Variants in ADAMTS14 observed in about 807,000 individuals in gnomAD.
The protein encoded by ADAMTS14 is ADAM metallopeptidase with thrombospondin type 1 motif 14.
ADAMTS14 carries 100 observed loss-of-function variants against 128.6 expected under a neutral mutation model. The observed-to-expected ratio is 0.78, with a 90% CI of 0.66 to 0.92. The LOEUF is 0.92. ADAMTS14 is among the 40% of genes least tolerant of loss of function. The pLI is 0.00. For missense variants in ADAMTS14, 1,562 were observed against 1,658.6 expected, an observed-to-expected ratio of 0.94 and a Z score of 1.01; for synonymous variants, 665 against 653.8, an observed-to-expected ratio of 1.02 and a Z score of -0.26.
At chr10:70,708,563 C>G (rs752101201) in intron 3 of ADAMTS14, 25 bp from the exon 4 acceptor site, 26 of 1,581,824 alleles carry the variant, frequency 1.6e-5, no homozygotes, top group Non-Finnish European at 2.0e-5. Flanking sequence ...GGTTGGACCT[C>G]ACTCTCTTCC....
intron 4 of ADAMTS14, among the ~76,000 whole-genome samples, chr10:70,726,881 G>A (rs1841449552): frequency 6.6e-6 from 1 of 152,220 alleles, no homozygotes; most frequent in African/African-American, 2.4e-5. Context: ...CACTGGGGAG[G>A]GGAGGAGTTT....
At chr10:70,674,478 C>T in intron 1 of ADAMTS14, 78 bp from the exon 2 acceptor site, 1 of 1,458,304 alleles carries the variant, frequency 6.9e-7, no homozygotes, top group Non-Finnish European at 9.4e-7. Flanking sequence ...CTATCCCTCC[C>T]TGCCCGCGTG....
rs1333274128 is a variant in ADAMTS14 at position 70,761,139 on chromosome 10, A to G, written c.*286A>G. The G allele has an allele frequency of 2.8e-6, 1 of 359,318 alleles. No homozygotes were observed. The highest frequency in any genetic ancestry group is 5.0e-6 in the Non-Finnish European group (1 of 199,708). The allele number at this position is 359,318 out of a possible 1,614,324, so 22.3% of individuals were successfully genotyped here. A position where few individuals can be genotyped will look rare whatever the true frequency, so the allele number is the denominator to read the frequency against. On this transcript the variant is annotated 3_prime_UTR_variant, in exon 22 of 22. Transcript: ENST00000373207. ...TCCCCTGCCAAGACCAGGGTCAACT[A>G]TTGCTCCCTCCTCACAGACCCTGGG...
At chr10:70,734,964 C>T (rs956485230) in intron 8 of ADAMTS14, among the ~76,000 whole-genome samples, 5 of 152,238 alleles carry the variant, frequency 3.3e-5, no homozygotes, top group African/African-American at 1.2e-4. Context: ...TGGAGCCCTT[C>T]CAGATATAGT....
At chr10:70,740,855 G>A (rs965267243) in intron 11 of ADAMTS14, 132 bp from the exon 12 acceptor site, 4 of 928,238 alleles carry the variant, frequency 4.3e-6, no homozygotes, top group Admixed American at 2.4e-5. Flanking sequence ...GCCATTCTCT[G>A]GTTTATGTCA....
rs774736680 is a variant in ADAMTS14 at position 70,751,473 on chromosome 10, C to T, written c.2428-5C>T. On this transcript the variant is annotated splice_polypyrimidine_tract_variant and splice_region_variant and intron_variant, in intron 16 of 21. Coordinates refer to ENST00000373207, the MANE Select transcript of ADAMTS14 (RefSeq NM_080722.4). ...GTCCTGTGCCAGCTCCCCATCTCCC[C>T]TCAGGCTCTCCCCCCAACTGAGGGT... 2.5e-6 allele frequency: 4 copies of T among 1,599,922 alleles called. No individual in the cohort carries two copies. The East Asian group carries it at 6.8e-5, about 27-fold the overall frequency.
chr10:70,712,632 A>T (rs1840897494), intron 4 of ADAMTS14, among the ~76,000 whole-genome samples: 1 of 151,984 alleles, frequency 6.6e-6, no homozygotes, highest in African/African-American at 2.4e-5. Context: ...GCCAGAGAAG[A>T]TGGAACCTGC....
At position 70,690,595 on chromosome 10, in the gene ADAMTS14, T is replaced by G. The variant is rs116220418; in HGVS notation, c.523-11717T>G. Among the ~76,000 whole-genome samples, 555 of 145,162 alleles carry G rather than the reference T, an allele frequency of 3.8e-3. 37 individuals carry two copies. The highest frequency in any genetic ancestry group is 0.013 in the African/African-American group (515 of 41,056). ...AAACATTTATGTGCGTGATCTCACG[T>G]GGGAGGCATGGTTTAAAACTAGTCA... On this transcript the variant is annotated intron_variant, in intron 2 of 21. Coordinates refer to ENST00000373207, the MANE Select transcript of ADAMTS14 (RefSeq NM_080722.4).
chr10:70,708,854 G>A (rs1053023883), intron 4 of ADAMTS14, 76 bp downstream of exon 4: 38 of 1,177,006 alleles, frequency 3.2e-5, no homozygotes, highest in Admixed American at 1.4e-4. Flanking sequence ...GGGCCCCAGT[G>A]CTGATCCAAG....
At chr10:70,673,601 T>C (rs1027390546) in intron 1 of ADAMTS14, among the ~76,000 whole-genome samples, 3 of 152,062 alleles carry the variant, frequency 2.0e-5, no homozygotes, top group Non-Finnish European at 4.4e-5. Flanking sequence ...GTCTTAGGGG[T>C]CCTCTGCTAT....
chr10:70,690,381 C>G (rs1840150706), intron 2 of ADAMTS14, among the ~76,000 whole-genome samples: 1 of 144,622 alleles, frequency 6.9e-6, no homozygotes, highest in African/African-American at 2.4e-5. Context: ...TCCTTCCACC[C>G]TTTGCAGAGG....
At chr10:70,703,820 G>A (rs370565636) in intron 3 of ADAMTS14, among the ~76,000 whole-genome samples, 15 of 152,174 alleles carry the variant, frequency 9.9e-5, no homozygotes, top group African/African-American at 3.6e-4. Flanking sequence ...ATGTGGCTGC[G>A]ACTCTTGCCC....
At chr10:70,726,049 G>A (rs1178658921) in intron 4 of ADAMTS14, among the ~76,000 whole-genome samples, 1 of 152,200 alleles carries the variant, frequency 6.6e-6, no homozygotes, top group Non-Finnish European at 1.5e-5. Flanking sequence ...GCTTCTCAGT[G>A]GTATCTCCAG....
Position 70,729,333 on chromosome 10 carries a change from A to C in ADAMTS14, c.910A>C (p.Ile304Leu). 2.5e-6 allele frequency: 4 copies of C among 1,614,002 alleles called. No individual in the cohort carries two copies. The highest frequency in any genetic ancestry group is 3.4e-6 in the Non-Finnish European group (4 of 1,179,980). ...IYHDESLGVH[I>L]NIALVRLIMV... ...CCACGATGAGTCCCTGGGGGTTCATATAAATATTGCCCTCGTCCGCTTGAT... is the reference window on the plus strand; with the variant it reads ...CCACGATGAGTCCCTGGGGGTTCATCTAAATATTGCCCTCGTCCGCTTGAT... The change falls in exon 5 of 22, where the codon ATA (isoleucine) becomes CTA (leucine). Residue 304 changes from isoleucine to leucine, a missense_variant. Ile to Leu is a conservative substitution (Grantham distance 5, BLOSUM62 2). Coordinates refer to ENST00000373207, the MANE Select transcript of ADAMTS14 (RefSeq NM_080722.4).
chr10:70,702,174 C>A, intron 2 of ADAMTS14, 138 bp from the exon 3 acceptor site: 1 of 1,247,708 alleles, frequency 8.0e-7, no homozygotes, highest in Non-Finnish European at 1.1e-6. Flanking sequence ...AATCCCAGGG[C>A]TCCTCAAGGT....
intron 2 of ADAMTS14, among the ~76,000 whole-genome samples, chr10:70,694,433 A>G (rs1031034117): frequency 6.6e-6 from 1 of 152,230 alleles, no homozygotes; most frequent in African/African-American, 2.4e-5. Context: ...TTTAAAAATT[A>G]TATTCACAGA....
At chr10:70,759,889 A>AGTGTGTGG (rs1221820660) in intron 21 of ADAMTS14, among the ~76,000 whole-genome samples, 3 of 152,184 alleles carry the variant, frequency 2.0e-5, no homozygotes, top group Non-Finnish European at 4.4e-5. Context: ...TAGATTGTCC[A>AGTGTGTGG]GTGTGTGGGT....
At chr10:70,728,844 G>C (rs1004929223) in intron 4 of ADAMTS14, among the ~76,000 whole-genome samples, 4 of 152,198 alleles carry the variant, frequency 2.6e-5, no homozygotes, top group Admixed American at 6.5e-5. Context: ...GCCCACTGCT[G>C]CCTCCCCAGG....
chr10:70,724,181 T>G (rs1420625467), intron 4 of ADAMTS14, among the ~76,000 whole-genome samples: 2 of 152,298 alleles, frequency 1.3e-5, no homozygotes, highest in Non-Finnish European at 2.9e-5. Context: ...GTGTCCTGAC[T>G]TTTGCTTGTT....
Sources: allele counts gnomAD v4.1 joint callset (sites outside exome capture counted in the v4.1 genomes callset), GRCh38; gene constraint gnomAD v4.1.1; transcripts MANE v1.5; gene names NCBI Gene and HGNC (gene_info 2026-07-23, HGNC 2026-07-21).